Variants in PLEKHM3 observed in about 807,000 individuals in gnomAD.
The protein encoded by PLEKHM3 is pleckstrin homology domain-containing family M member 3.
Under a neutral mutation model 81.8 loss-of-function variants are expected in PLEKHM3, and 45 were observed. The ratio of observed to expected loss-of-function variants is 0.55; its 90% CI spans 0.43 to 0.71. The LOEUF is 0.71. Ranked by LOEUF, PLEKHM3 falls within the 30% of genes least tolerant of loss-of-function variation. PLEKHM3 has a pLI of 0.00. For synonymous variants in PLEKHM3, 352 were observed against 356.4 expected (o/e 0.99, Z 0.14); for missense variants, 788 against 924.3 (o/e 0.85, Z 1.91).
intron 3 of PLEKHM3, among the ~76,000 whole-genome samples, chr2:207,966,851 A>G (rs10221788): frequency 0.59 from 89,646 of 152,104 alleles, 26,985 homozygotes; most frequent in Non-Finnish European, 0.65. Context: ...CCCCGCACCC[A>G]GCCTAGGATG....
chr2:207,852,512 T>A (rs2092418123), intron 7 of PLEKHM3, among the ~76,000 whole-genome samples: 1 of 152,174 alleles, frequency 6.6e-6, no homozygotes, highest in Non-Finnish European at 1.5e-5. Context: ...TCCTCCTGCA[T>A]AATGATTAAT....
intron 7 of PLEKHM3, among the ~76,000 whole-genome samples, chr2:207,858,182 T>TATATATATA (rs61059149): frequency 5.6e-5 from 7 of 125,612 alleles, no homozygotes; most frequent in African/African-American, 2.4e-4. Flanking sequence ...GTGTATATAT[T>TATATATATA]TTTTTTTTTG....
chr2:207,900,529 C>G (rs528372641), intron 6 of PLEKHM3: 1 of 152,234 alleles, frequency 6.6e-6, no homozygotes, highest in South Asian at 2.1e-4. Context: ...ATGGAAGATA[C>G]TGTTGCAGCT....
chr2:207,860,690 G>A (rs1293279111), intron 7 of PLEKHM3, among the ~76,000 whole-genome samples: 5 of 152,134 alleles, frequency 3.3e-5, no homozygotes, highest in Non-Finnish European at 5.9e-5. Flanking sequence ...CCAGGCAGCA[G>A]CTGCTCACCA....
chr2:207,836,004 C>T (rs568620448), intron 7 of PLEKHM3, among the ~76,000 whole-genome samples: 2 of 152,250 alleles, frequency 1.3e-5, no homozygotes, highest in South Asian at 4.1e-4. Flanking sequence ...ACACTGGATA[C>T]ACCACAAGAC....
chr2:207,861,088 A>G lies in PLEKHM3; in HGVS notation c.2108+17T>C, dbSNP rs761085602. 6.2e-7 allele frequency: 1 copy of G among 1,607,906 alleles called. No homozygotes were observed. The highest frequency in any genetic ancestry group is 1.1e-5 in the South Asian group (1 of 89,458). On this transcript the variant is annotated intron_variant, in intron 7 of 7. Coordinates refer to ENST00000427836, the MANE Select transcript of PLEKHM3 (RefSeq NM_001080475.3). The stretch of plus-strand genomic sequence containing the variant: ...TACACATTTGGGTGTTCTTTTATGA[A>G]ATAAGATATTCTGTACCTGCTTGTT...
intron 5 of PLEKHM3, among the ~76,000 whole-genome samples, chr2:207,923,372 C>T (rs536497690): frequency 2.0e-5 from 3 of 152,254 alleles, no homozygotes; most frequent in African/African-American, 7.2e-5. Flanking sequence ...CTTTGGGAGG[C>T]GGAGGCAGGA....
intron 5 of PLEKHM3, among the ~76,000 whole-genome samples, chr2:207,911,920 T>C (rs1384816429): frequency 6.6e-6 from 1 of 152,212 alleles, no homozygotes; most frequent in Admixed American, 6.5e-5. Flanking sequence ...CTTTCTGCTT[T>C]AAAATTCTAA....
chr2:207,988,150 C>G (rs1241339723), intron 2 of PLEKHM3, among the ~76,000 whole-genome samples: 3 of 152,186 alleles, frequency 2.0e-5, no homozygotes, highest in African/African-American at 7.2e-5. Context: ...TCCTCAAACA[C>G]CTAATTCCAC....
chr2:207,925,957 G>A (rs1450205408), intron 5 of PLEKHM3, among the ~76,000 whole-genome samples: 1 of 151,786 alleles, frequency 6.6e-6, no homozygotes, highest in Non-Finnish European at 1.5e-5. Flanking sequence ...CCGAGTTACG[G>A]ATCTAGTATC....
At position 207,930,937 on chromosome 2, in the gene PLEKHM3, A is replaced by G; in HGVS notation, c.1875T>C (p.Asp625=). The change falls in exon 5 of 8, where the codon GAT becomes GAC. Residue 625 remains aspartate (D), a synonymous_variant. Transcript: ENST00000427836. The part of the protein sequence containing the change: ...LFSCRAAVAE[D]LRRRIFPREY... ...TTTATGACTCTTACCTGCGGCGGAG[A>G]TCCTCTGCCACCGCTGCCCGGCAGC... The G allele has an allele frequency of 4.3e-6, 7 of 1,612,862 alleles. No homozygotes were observed. The highest frequency in any genetic ancestry group is 5.9e-6 in the Non-Finnish European group (7 of 1,179,052).
intron 2 of PLEKHM3, among the ~76,000 whole-genome samples, chr2:207,989,313 A>T (rs1022694783): frequency 7.9e-5 from 12 of 152,226 alleles, no homozygotes; most frequent in African/African-American, 2.9e-4. Context: ...TCTAACACGC[A>T]AGAGAAGAAA....
intron 4 of PLEKHM3, among the ~76,000 whole-genome samples, chr2:207,931,992 A>G (rs1689614263): frequency 6.6e-6 from 1 of 152,202 alleles, no homozygotes; most frequent in African/African-American, 2.4e-5. Context: ...CAAACAAATA[A>G]AAAGACTAAA....
chr2:207,983,286 T>C (rs1574467667), intron 2 of PLEKHM3, among the ~76,000 whole-genome samples: 1 of 150,646 alleles, frequency 6.6e-6, no homozygotes. Flanking sequence ...CTCCTGACCT[T>C]GTGATCCGCC....
chr2:207,871,792 T>C (rs1422060918), intron 6 of PLEKHM3, among the ~76,000 whole-genome samples: 2 of 152,186 alleles, frequency 1.3e-5, no homozygotes, highest in Non-Finnish European at 2.9e-5. Flanking sequence ...TGATCTGATA[T>C]AGGTACATGT....
intron 2 of PLEKHM3, among the ~76,000 whole-genome samples, chr2:207,988,590 C>G (rs1204245762): frequency 6.6e-6 from 1 of 152,198 alleles, no homozygotes; most frequent in Non-Finnish European, 1.5e-5. Context: ...TCCTACTTCT[C>G]TAGAATCCAT....
At chr2:207,975,233 C>G (rs2106026976) in intron 3 of PLEKHM3, among the ~76,000 whole-genome samples, 1 of 152,280 alleles carries the variant, frequency 6.6e-6, no homozygotes, top group East Asian at 1.9e-4. Flanking sequence ...AAGGATGATT[C>G]ACTCAGTCCT....
rs138142787 is a variant in PLEKHM3 at position 207,977,461 on chromosome 2, C to T, written c.736G>A (p.Asp246Asn). The change falls in exon 3 of 8, where the codon GAC becomes AAC. Residue 246 changes from aspartate (D) to asparagine (N), a missense_variant. By Grantham distance (23) the Asp-to-Asn change is conservative. Transcript: ENST00000427836. ...SPYNLYFYSLDSSGNQNLYAT... is the reference protein window; with the variant it reads ...SPYNLYFYSLNSSGNQNLYAT... ...TAAAGGTTTTGATTCCCACTGCTGT[C>T]GAGGCTGTAGAAGTATAAGTTGTAA... 3.6e-3 allele frequency: 5,770 copies of T among 1,614,084 alleles called. 10 individuals are homozygous for T. Among genetic ancestry groups the T allele is most frequent in the Non-Finnish European group, 4.4e-3 (5,175 of 1,180,010 alleles).
At chr2:207,987,000 G>A (rs1691746971) in intron 2 of PLEKHM3, among the ~76,000 whole-genome samples, 1 of 152,180 alleles carries the variant, frequency 6.6e-6, no homozygotes, top group Admixed American at 6.5e-5. Flanking sequence ...TAATTGATTA[G>A]CTCAAGATAA....
Sources: allele counts gnomAD v4.1 joint callset (sites outside exome capture counted in the v4.1 genomes callset), GRCh38; gene constraint gnomAD v4.1.1; transcripts MANE v1.5; gene names NCBI Gene and HGNC (gene_info 2026-07-23, HGNC 2026-07-21).